MAST4: variants seen among roughly 807,000 people sequenced by gnomAD.
MAST4 encodes microtubule-associated serine/threonine-protein kinase 4.
MAST4 carries 89 observed loss-of-function variants against 162.7 expected under a neutral mutation model. That is an observed-to-expected ratio of 0.55 (90% CI 0.46 to 0.65). MAST4 has a LOEUF of 0.65. Among genes scored for constraint, MAST4 ranks in the 30% least tolerant of loss-of-function variants. The pLI, the probability that MAST4 is intolerant of heterozygous loss-of-function variation, is 0.00. For missense variants in MAST4, 3,153 were observed against 3,374.0 expected (o/e 0.93, Z 1.62); for synonymous variants, 1,479 against 1,361.1 (o/e 1.09, Z -1.91).
intron 2 of MAST4, among the ~76,000 whole-genome samples, chr5:66,767,624 A>G (rs1016149641): frequency 6.6e-6 from 1 of 152,018 alleles, no homozygotes; most frequent in Non-Finnish European, 1.5e-5. Flanking sequence ...ACACACACAT[A>G]TATATAAAGG....
At chr5:66,636,089 C>A (rs138944355) in intron 1 of MAST4, among the ~76,000 whole-genome samples, 2,620 of 150,798 alleles carry the variant, frequency 0.017, 76 homozygotes, top group African/African-American at 0.059. Flanking sequence ...TCCCGAGTAG[C>A]TGGGACTAAA....
intron 5 of MAST4, among the ~76,000 whole-genome samples, chr5:67,067,180 C>G (rs16896238): frequency 0.034 from 5,208 of 152,268 alleles, 205 homozygotes; most frequent in African/African-American, 0.094. Flanking sequence ...TACCCAAACC[C>G]TTTTGATTTT....
At chr5:67,144,340 A>G (rs1770777797) in intron 21 of MAST4, among the ~76,000 whole-genome samples, 2 of 152,086 alleles carry the variant, frequency 1.3e-5, no homozygotes, top group South Asian at 2.1e-4. Flanking sequence ...CAAGATGTGC[A>G]TTGATCCCAA....
At chr5:66,967,418 T>C (rs1746872864) in intron 4 of MAST4, among the ~76,000 whole-genome samples, 1 of 152,208 alleles carries the variant, frequency 6.6e-6, no homozygotes, top group Non-Finnish European at 1.5e-5. Flanking sequence ...AGTTGCTAAA[T>C]AGGACTTACG....
intron 3 of MAST4, among the ~76,000 whole-genome samples, chr5:66,868,417 G>A (rs540701466): frequency 2.7e-5 from 4 of 148,582 alleles, no homozygotes; most frequent in African/African-American, 1.0e-4. Context: ...GTGTGTATAT[G>A]TGTATATATA....
chr5:66,883,971 G>A (rs988814149), intron 3 of MAST4, among the ~76,000 whole-genome samples: 1 of 152,146 alleles, frequency 6.6e-6, no homozygotes, highest in African/African-American at 2.4e-5. Flanking sequence ...TACATCGTAA[G>A]CCACCTGCCT....
chr5:66,699,719 A>T (rs1012248462), intron 1 of MAST4, among the ~76,000 whole-genome samples: 1 of 143,936 alleles, frequency 6.9e-6, no homozygotes, highest in East Asian at 2.4e-4. Flanking sequence ...ATGAGAACAC[A>T]TGGACACAGG....
At chr5:67,103,282 C>A (rs1765229538) in intron 9 of MAST4, among the ~76,000 whole-genome samples, 1 of 152,174 alleles carries the variant, frequency 6.6e-6, no homozygotes, top group Admixed American at 6.5e-5. Flanking sequence ...GGGAGAAGGC[C>A]CCTCTCCACG....
intron 1 of MAST4, among the ~76,000 whole-genome samples, chr5:66,633,020 C>T (rs950281751): frequency 6.6e-6 from 1 of 151,874 alleles, no homozygotes; most frequent in African/African-American, 2.4e-5. Context: ...ATTCAAATAT[C>T]CTAAATTTAA....
chr5:66,690,608 A>T (rs1175942950), intron 1 of MAST4, among the ~76,000 whole-genome samples: 14 of 152,206 alleles, frequency 9.2e-5, no homozygotes, highest in Non-Finnish European at 1.2e-4. Context: ...CACTTCATCC[A>T]AGCAATTTTA....
At chr5:66,799,380 C>A (rs1206640872) in intron 3 of MAST4, among the ~76,000 whole-genome samples, 1 of 152,144 alleles carries the variant, frequency 6.6e-6, no homozygotes, top group Non-Finnish European at 1.5e-5. Flanking sequence ...TTAAGTAGGA[C>A]TGGAAGCATC....
In MAST4 at chr5:66,757,128, C is replaced by T. The variant is rs143256168; in HGVS notation, c.364-2581C>T. On this transcript the variant is annotated intron_variant, in intron 1 of 28. Coordinates refer to ENST00000403625, the MANE Select transcript of MAST4 (RefSeq NM_001164664.2). ...TCTTTCCTCTGCTTGTTTTTCTACC[C>T]GCTGTTAATTTGTGATACAGCAGTC... is the stretch of plus-strand genomic sequence containing the variant. 3.2e-3 allele frequency among the ~76,000 whole-genome samples: 479 copies of T among 152,010 alleles called. 3 individuals carry two copies. The highest frequency in any genetic ancestry group is 0.011 in the African/African-American group (444 of 41,448).
At chr5:66,920,435 G>A (rs529452447) in intron 4 of MAST4, among the ~76,000 whole-genome samples, 69 of 152,164 alleles carry the variant, frequency 4.5e-4, no homozygotes, top group Non-Finnish European at 8.8e-4. Flanking sequence ...TTTAAAAACC[G>A]TAAAAATCAA....
At chr5:67,146,607 A>G (rs1032857339) in intron 23 of MAST4, among the ~76,000 whole-genome samples, 1 of 152,118 alleles carries the variant, frequency 6.6e-6, no homozygotes, top group Admixed American at 6.5e-5. Flanking sequence ...CTTTTTTTTA[A>G]TCATTTCAGG....
intron 3 of MAST4, among the ~76,000 whole-genome samples, chr5:66,834,501 T>G (rs1757826740): frequency 6.6e-6 from 1 of 152,236 alleles, no homozygotes; most frequent in East Asian, 1.9e-4. Flanking sequence ...CAGGCCAGAC[T>G]CCGGGGCCCA....
intron 1 of MAST4, among the ~76,000 whole-genome samples, chr5:66,599,918 G>GGTGTGTGTGT (rs58314259): frequency 0.013 from 1,922 of 150,076 alleles, 31 homozygotes; most frequent in African/African-American, 0.044. Context: ...TTTCTAAAGG[G>GGTGTGTGTGT]GTGTGTGTGT....
Position 67,162,748 on chromosome 5 carries a change from T to G in MAST4, c.3927T>G (p.Ser1309=). 6.2e-7 allele frequency: 1 copy of G among 1,613,798 alleles called. No homozygotes were observed. Among genetic ancestry groups the G allele is most frequent in the East Asian group, 2.2e-5 (1 of 44,854 alleles). ...CCACTCATAGCTTGTCTCCCCGGTC[T>G]CCAACACCAAGCTACCGCTCCACCC... ...GSPTHSLSPR[S]PTPSYRSTPD... is the part of the protein sequence containing the mutation. The change falls in exon 28 of 29, where the codon TCT becomes TCG. Residue 1309 remains serine (S), a synonymous_variant. Transcript: ENST00000403625.
At chr5:66,789,988 A>ATTTTTTTTTTTTTTTTTTTTTT (rs57743987) in intron 3 of MAST4, among the ~76,000 whole-genome samples, 6 of 52,472 alleles carry the variant, frequency 1.1e-4, no homozygotes, top group African/African-American at 5.7e-4. Context: ...GCTTATTAGA[A>ATTTTTTTTTTTTTTTTTTTTTT]TTTTTTTTTT....
chr5:66,710,571 A>G (rs1277335029), intron 1 of MAST4, among the ~76,000 whole-genome samples: 1 of 152,178 alleles, frequency 6.6e-6, no homozygotes, highest in Non-Finnish European at 1.5e-5. Flanking sequence ...GTTATATAAA[A>G]TAATAGGCTG....
Sources: gnomAD v4.1 joint callset for allele counts (sites outside exome capture counted in the v4.1 genomes callset) on GRCh38, gnomAD v4.1.1 for gene constraint, MANE v1.5 for transcripts, NCBI Gene and HGNC (gene_info 2026-07-23, HGNC 2026-07-21) for gene names.